Variants in CBX7 observed in about 807,000 individuals in gnomAD.
CBX7 encodes chromobox 7.
A neutral mutation model predicts 31.4 loss-of-function variants in CBX7; 14 were observed. That is an observed-to-expected ratio of 0.45 (90% CI 0.29 to 0.70). CBX7 has a LOEUF of 0.70. Ranked by LOEUF, CBX7 falls within the 30% of genes least tolerant of loss-of-function variation. CBX7 has a pLI of 0.11. For synonymous variants in CBX7, 159 were observed against 152.6 expected (o/e 1.04, Z -0.31); for missense variants, 269 against 351.9 (o/e 0.76, Z 1.89).
chr22:39,144,407 C>G (rs1320802283), intron 2 of CBX7, among the ~76,000 whole-genome samples: 1 of 152,242 alleles, frequency 6.6e-6, no homozygotes, highest in Non-Finnish European at 1.5e-5. Context: ...GCAGGACGAG[C>G]CTGCCCCTCC....
rs542006782 is a variant in CBX7 at position 39,137,348 on chromosome 22, G to A, written c.246+1288C>T. Among the ~76,000 whole-genome samples, 105 of 139,552 alleles carry A rather than the reference G, an allele frequency of 7.5e-4. 2 individuals carry two copies. The South Asian group carries it at 0.026, about 34-fold the overall frequency. The allele number at this position is 139,552 out of a possible 152,430, so 91.6% of individuals were successfully genotyped here. A position where few individuals can be genotyped will look rare whatever the true frequency, so the allele number is the denominator to read the frequency against. ...CAGATCTTGTTTTTCTTGTTGGGGT[G>A]GGGGGGCGGGGCGGCAGGGGACGGA... On this transcript the variant is annotated intron_variant, in intron 4 of 5. Coordinates refer to ENST00000216133, the MANE Select transcript of CBX7 (RefSeq NM_175709.5).
rs552256856 is a variant in CBX7 at position 39,138,454 on chromosome 22, C to T, written c.246+182G>A. Among the ~76,000 whole-genome samples, 126 of 152,236 alleles carry T rather than the reference C, an allele frequency of 8.3e-4. 3 individuals are homozygous for T. The South Asian group carries it at 0.025, about 30-fold the overall frequency. On this transcript the variant is annotated intron_variant, in intron 4 of 5. Coordinates refer to ENST00000216133, the MANE Select transcript of CBX7 (RefSeq NM_175709.5). ...GTCTTCCCCGGGCACCAGCCCCACA[C>T]GCAGGCTTTTCCCAATTCCTCCCAT...
rs556583258 is a variant in CBX7, at chr22:39,134,241, G to A, written c.598+160C>T. ...CCTAGACAAGAGCTCAGCCAGAGCGGGACGACAGGAGGAGCCCTGGGCTAG... is the reference window on the plus strand; with the variant it reads ...CCTAGACAAGAGCTCAGCCAGAGCGAGACGACAGGAGGAGCCCTGGGCTAG... On this transcript the variant is annotated intron_variant, in intron 5 of 5. Coordinates refer to ENST00000216133, the MANE Select transcript of CBX7 (RefSeq NM_175709.5). 139 of 854,150 alleles carry A rather than the reference G, an allele frequency of 1.6e-4. No individual in the cohort carries two copies. In the African/African-American group the frequency reaches 2.2e-3, roughly 14 times the overall value. The allele number at this position is 854,150 out of a possible 1,614,324, so 52.9% of individuals were successfully genotyped here.
rs578011349 is a variant in CBX7 at position 39,152,111 on chromosome 22, C to A, written c.69+265G>T. Among the ~76,000 whole-genome samples the A allele has an allele frequency of 8.1e-4, 124 of 152,250 alleles. No individual in the cohort carries two copies. Among genetic ancestry groups the A allele is most frequent in the African/African-American group, 2.8e-3 (118 of 41,550 alleles). ...ATAAAAGGGGAGCGAGGTGGGATGG[C>A]GCTGAGGATCCCTACGTCCGATCCT... is the stretch of plus-strand genomic sequence containing the variant. On this transcript the variant is annotated intron_variant, in intron 1 of 5. Transcript: ENST00000216133. This position sits in a 1 kb window ranked among gnomAD's most constrained non-coding sequence, Gnocchi z 4.9.
At chr22:39,136,156 C>T (rs1474395848) in intron 4 of CBX7, 4 of 151,678 alleles carry the variant, frequency 2.6e-5, no homozygotes, top group African/African-American at 7.3e-5. Context: ...GGGTCTTCTA[C>T]GTCCTTGGCA....
chr22:39,151,207 A>T (rs1243565050), intron 1 of CBX7, among the ~76,000 whole-genome samples: 1 of 152,224 alleles, frequency 6.6e-6, no homozygotes, highest in Non-Finnish European at 1.5e-5. Context: ...GAATAAATCA[A>T]TTCTCTTTTA....
chr22:39,146,253 A>G (rs1167086834), intron 2 of CBX7, among the ~76,000 whole-genome samples: 2 of 152,258 alleles, frequency 1.3e-5, no homozygotes, highest in Non-Finnish European at 2.9e-5. Flanking sequence ...AGTGAAGGCA[A>G]ATAAGCCTGA....
At chr22:39,140,867 A>G (rs1930429326) in intron 3 of CBX7, among the ~76,000 whole-genome samples, 1 of 151,982 alleles carries the variant, frequency 6.6e-6, no homozygotes, top group Non-Finnish European at 1.5e-5. Flanking sequence ...GAACTCAGAA[A>G]TCCCAGCCCC....
intron 2 of CBX7, among the ~76,000 whole-genome samples, chr22:39,146,442 G>T (rs1031580915): frequency 6.6e-6 from 1 of 152,200 alleles, no homozygotes; most frequent in Admixed American, 6.5e-5. Flanking sequence ...TATAGGTGGG[G>T]AAAGTGAGGC....
intron 3 of CBX7, chr22:39,141,115 T>G: frequency 2.2e-6 from 1 of 464,472 alleles, no homozygotes; most frequent in Middle Eastern, 6.0e-4. Context: ...GGGTGGCCCA[T>G]TTGACAGCAG....
rs1930145750 is a variant in CBX7, at chr22:39,134,002, G to C, written c.645C>G (p.Leu215=). The C allele has an allele frequency of 1.1e-5, 18 of 1,612,412 alleles. No homozygotes were observed. In the East Asian group the frequency reaches 4.0e-4, roughly 36 times the overall value. Residue 215 remains leucine, a synonymous_variant, in exon 6 of 6, where the codon CTC becomes CTG. Coordinates refer to ENST00000216133, the MANE Select transcript of CBX7 (RefSeq NM_175709.5). ...AEGPPPWTPA[L]PSSEVTVTDI... is the part of the protein sequence containing the mutation. ...CGGTCACGGTCACCTCACTTGAGGG[G>C]AGCGCAGGTGTCCAGGGAGGGGGCC...
At position 39,132,715 on chromosome 22, in the gene CBX7, G is replaced by C. The variant is rs1390250213; in HGVS notation, c.*1176C>G. On this transcript the variant is annotated 3_prime_UTR_variant, in exon 6 of 6. Coordinates refer to ENST00000216133, the MANE Select transcript of CBX7 (RefSeq NM_175709.5). ...AAGGAGGAAGGGGCTTAGGAGTCAA[G>C]GGCTGCCCTGAGAACGTGGTGGGAC... The C allele has an allele frequency of 6.5e-6, 1 of 152,756 alleles. No individual in the cohort carries two copies. Among genetic ancestry groups the C allele is most frequent in the Non-Finnish European group, 1.5e-5 (1 of 68,150 alleles). The allele number at this position is 152,756 out of a possible 1,614,324, so 9.5% of individuals were successfully genotyped here. A position where few individuals can be genotyped will look rare whatever the true frequency, so the allele number is the denominator to read the frequency against.
At chr22:39,134,927 C>T in intron 4 of CBX7, 175 bp from the exon 5 acceptor site, 2 of 580,118 alleles carry the variant, frequency 3.4e-6, no homozygotes, top group Non-Finnish European at 6.0e-6. Flanking sequence ...GAGAGTGCGC[C>T]CCGGGCAACC....
chr22:39,151,087 G>A (rs1391301083), intron 1 of CBX7, among the ~76,000 whole-genome samples: 2 of 152,216 alleles, frequency 1.3e-5, no homozygotes, highest in African/African-American at 2.4e-5. Flanking sequence ...GTGACTGGCC[G>A]AAGGAATGAT....
chr22:39,145,598 G>A (rs1930622291), intron 2 of CBX7, among the ~76,000 whole-genome samples: 1 of 151,576 alleles, frequency 6.6e-6, no homozygotes, highest in Admixed American at 6.6e-5. Flanking sequence ...TGGGCTCGCG[G>A]CGCCGGCGGG....
intron 3 of CBX7, among the ~76,000 whole-genome samples, chr22:39,139,742 A>C (rs368068462): frequency 0.028 from 4,210 of 148,212 alleles, 98 homozygotes; most frequent in Middle Eastern, 0.043. Flanking sequence ...AAAAGAAAAA[A>C]AAACAAACAA....
At chr22:39,137,720 G>A (rs569676968) in intron 4 of CBX7, among the ~76,000 whole-genome samples, 1 of 152,058 alleles carries the variant, frequency 6.6e-6, no homozygotes, top group African/African-American at 2.4e-5. Context: ...CCCTGTCACT[G>A]CAAAGCACTG....
chr22:39,144,724 G>T (rs1930581985), intron 2 of CBX7, among the ~76,000 whole-genome samples: 1 of 152,246 alleles, frequency 6.6e-6, no homozygotes, highest in Non-Finnish European at 1.5e-5. Context: ...ATTGCTTGCT[G>T]ATGTCCCTGC....
intron 2 of CBX7, among the ~76,000 whole-genome samples, chr22:39,146,524 CT>C (rs1463266966): frequency 6.6e-6 from 1 of 152,278 alleles, no homozygotes; most frequent in African/African-American, 2.4e-5. Context: ...CTCAGCACTT[CT>C]CACTGAACTG....
Sources: allele counts gnomAD v4.1 joint callset (sites outside exome capture counted in the v4.1 genomes callset), GRCh38; gene constraint gnomAD v4.1.1; non-coding constraint Gnocchi (gnomAD v3.1); transcripts MANE v1.5; gene names NCBI Gene and HGNC (gene_info 2026-07-23, HGNC 2026-07-21).